Variants in TENM2 observed in about 807,000 individuals in gnomAD.
TENM2 encodes teneurin-2.
TENM2 carries 52 observed loss-of-function variants against 245.2 expected under a neutral mutation model. That is an observed-to-expected ratio of 0.21 (90% CI 0.17 to 0.27). TENM2 has a LOEUF of 0.27. Ranked by LOEUF, TENM2 falls within the 10% of genes least tolerant of loss-of-function variation. The pLI is 1.00. For missense variants in TENM2, 3,046 were observed against 3,666.8 expected, an observed-to-expected ratio of 0.83 and a Z score of 4.37; for synonymous variants, 1,363 against 1,438.9, an observed-to-expected ratio of 0.95 and a Z score of 1.19.
intron 2 of TENM2, among the ~76,000 whole-genome samples, chr5:167,726,409 A>G (rs1289806153): frequency 6.6e-6 from 1 of 152,162 alleles, no homozygotes; most frequent in Non-Finnish European, 1.5e-5. Flanking sequence ...TTGCATGTGA[A>G]TAGGCGAGGC....
intron 2 of TENM2, among the ~76,000 whole-genome samples, chr5:167,856,957 A>G (rs1056785635): frequency 2.6e-5 from 4 of 152,226 alleles, no homozygotes; most frequent in Admixed American, 6.5e-5. Context: ...ATATTTATTA[A>G]TCACTTTCTG....
chr5:167,181,278 C>T, the TENM2 span, among the ~76,000 whole-genome samples: 1 of 152,134 alleles, frequency 6.6e-6, no homozygotes. Context: ...AGAAACAAAT[C>T]TAGCGGTAAT....
chr5:167,719,545 G>T (rs922346742), intron 2 of TENM2, among the ~76,000 whole-genome samples: 2 of 152,230 alleles, frequency 1.3e-5, no homozygotes, highest in African/African-American at 4.8e-5. Context: ...AACTGAGAAT[G>T]AGTGCAGAAT....
Position 167,571,390 on chromosome 5 carries a change from G to A in TENM2, c.502+195917G>A, listed in dbSNP as rs549166790. 3.3e-5 allele frequency among the ~76,000 whole-genome samples: 5 copies of A among 152,220 alleles called. 1 individual carries two copies. Among genetic ancestry groups the A allele is most frequent in the East Asian group, 3.9e-4 (2 of 5,170 alleles). ...TGAGCACTTAACTACTGTATCATAC[G>A]CTGTCATATAAGCATATGAATGTAA... On this transcript the variant is annotated intron_variant, in intron 2 of 28. Coordinates refer to ENST00000518659, the Ensembl canonical transcript of TENM2.
chr5:167,684,186 T>G, intron 2 of TENM2, among the ~76,000 whole-genome samples: 1 of 152,238 alleles, frequency 6.6e-6, no homozygotes, highest in Admixed American at 6.5e-5. Flanking sequence ...ACCCACTGGG[T>G]GCTTTTGCAT....
At position 167,441,333 on chromosome 5, in the gene TENM2, G is replaced by A. The variant is rs138031669; in HGVS notation, c.502+65860G>A. Among the ~76,000 whole-genome samples, 686 of 152,302 alleles carry A rather than the reference G, an allele frequency of 4.5e-3. 4 individuals are homozygous for A. The highest frequency in any genetic ancestry group is 0.016 in the African/African-American group (648 of 41,574). ...GGAAATTTAGCATTAACCACTGGCT[G>A]TTACCCATCTCTACATTAGCCAAAG... On this transcript the variant is annotated intron_variant, in intron 2 of 28. Transcript: ENST00000518659.
At chr5:167,014,765 G>T in the TENM2 span, among the ~76,000 whole-genome samples, 1 of 152,234 alleles carries the variant, frequency 6.6e-6, no homozygotes, top group South Asian at 2.1e-4. Context: ...CAGATTCAAC[G>T]CTGCTTAGAG....
chr5:167,496,751 GTAT>G (rs1189084547), intron 2 of TENM2, among the ~76,000 whole-genome samples: 3 of 152,198 alleles, frequency 2.0e-5, no homozygotes, highest in Non-Finnish European at 4.4e-5. Context: ...TTAGGGATGT[GTAT>G]TATTGTACAT....
the TENM2 span, among the ~76,000 whole-genome samples, chr5:167,252,993 C>A: frequency 6.6e-6 from 1 of 152,110 alleles, no homozygotes; most frequent in African/African-American, 2.4e-5. Context: ...GTGTGGGCAA[C>A]ATGATGAATC....
At chr5:167,793,758 C>A (rs1470550152) in intron 2 of TENM2, among the ~76,000 whole-genome samples, 3 of 151,770 alleles carry the variant, frequency 2.0e-5, no homozygotes, top group African/African-American at 7.3e-5. Context: ...ATCACTTGAT[C>A]CCAAGAGGTC....
At chr5:168,251,298 A>G (rs920631231) in intron 27 of TENM2, among the ~76,000 whole-genome samples, 2 of 152,226 alleles carry the variant, frequency 1.3e-5, no homozygotes, top group Admixed American at 6.5e-5. Flanking sequence ...GCTCTCCAGA[A>G]AAGGCCAAAA....
At chr5:167,766,274 A>T (rs1763013540) in intron 2 of TENM2, among the ~76,000 whole-genome samples, 1 of 152,078 alleles carries the variant, frequency 6.6e-6, no homozygotes, top group South Asian at 2.1e-4. Context: ...GCTGGGGAAA[A>T]ATTTTACATA....
chr5:167,452,171 A>G (rs1055137413), intron 2 of TENM2, among the ~76,000 whole-genome samples: 9 of 152,324 alleles, frequency 5.9e-5, no homozygotes, highest in South Asian at 4.1e-4. Context: ...TCAGCTATGT[A>G]CTTGCTTCTG....
chr5:167,258,327 A>G, the TENM2 span, among the ~76,000 whole-genome samples: 334 of 151,658 alleles, frequency 2.2e-3, 1 homozygote, highest in African/African-American at 7.6e-3. Context: ...AGAGAAGCTT[A>G]AAAATAAAAA....
the TENM2 span, among the ~76,000 whole-genome samples, chr5:167,182,138 T>C: frequency 6.6e-6 from 1 of 152,232 alleles, no homozygotes; most frequent in South Asian, 2.1e-4. Flanking sequence ...GTAAACATTA[T>C]TTTAGCATTT....
At chr5:167,100,295 G>A in the TENM2 span, among the ~76,000 whole-genome samples, 1 of 152,198 alleles carries the variant, frequency 6.6e-6, no homozygotes, top group African/African-American at 2.4e-5. Context: ...TGGTGTGTGA[G>A]TAATTCCTGT....
chr5:168,230,068 C>CTCCAAATAT, intron 25 of TENM2, among the ~76,000 whole-genome samples: 1 of 152,308 alleles, frequency 6.6e-6, no homozygotes, highest in South Asian at 2.1e-4. Context: ...ATAATCCCAA[C>CTCCAAATAT]TCCAAATATT....
At chr5:167,212,287 A>T in the TENM2 span, among the ~76,000 whole-genome samples, 1 of 152,152 alleles carries the variant, frequency 6.6e-6, no homozygotes, top group Non-Finnish European at 1.5e-5. Context: ...CTCACCAAGA[A>T]CAGCATCAAG....
intron 7 of TENM2, among the ~76,000 whole-genome samples, chr5:168,066,728 C>T (rs1006107683): frequency 6.6e-6 from 1 of 152,266 alleles, no homozygotes; most frequent in African/African-American, 2.4e-5. Flanking sequence ...CATTCTTAGC[C>T]TACTAACTCA....
Sources: allele counts gnomAD v4.1 joint callset (sites outside exome capture counted in the v4.1 genomes callset), GRCh38; gene constraint gnomAD v4.1.1; transcripts MANE v1.5; gene names NCBI Gene and HGNC (gene_info 2026-07-23, HGNC 2026-07-21).